The following UBE2G1 variants were observed in gnomAD, a reference collection of about 807,000 sequenced individuals.
UBE2G1 encodes ubiquitin-conjugating enzyme E2 G1.
Under a neutral mutation model 22.7 loss-of-function variants are expected in UBE2G1, and 5 were observed. The observed-to-expected ratio is 0.22, with a 90% CI of 0.12 to 0.46. UBE2G1 has a LOEUF of 0.46. Ranked by LOEUF, UBE2G1 falls within the 20% of genes least tolerant of loss-of-function variation. The pLI, the probability that UBE2G1 is intolerant of heterozygous loss-of-function variation, is 0.99. For synonymous variants in UBE2G1, 74 were observed against 67.5 expected, an observed-to-expected ratio of 1.10 and a Z score of -0.47; for missense variants, 88 against 203.9, an observed-to-expected ratio of 0.43 and a Z score of 3.46.
At chr17:4,362,855 G>A (rs944003455) in intron 1 of UBE2G1, among the ~76,000 whole-genome samples, 14 of 152,076 alleles carry the variant, frequency 9.2e-5, no homozygotes, top group Admixed American at 2.6e-4. Context: ...GGTGGTGGTG[G>A]CTCACACTTG....
In UBE2G1 at chr17:4,366,534, A is replaced by T; in HGVS notation, c.-218T>A. 2.3e-6 allele frequency: 1 copy of T among 428,198 alleles called. No individual in the cohort carries two copies. Among genetic ancestry groups the T allele is most frequent in the Non-Finnish European group, 4.1e-6 (1 of 245,936 alleles). 26.5% of individuals were successfully genotyped at this position (428,198 alleles called of 1,614,324 possible). On this transcript the variant is annotated 5_prime_UTR_variant, in exon 1 of 6. Transcript: ENST00000396981. ...CACAGCGACTCACGCCCGGAAGGGG[A>T]GGGTGCCCGGGCTGCCGCGGCGCGC...
intron 1 of UBE2G1, among the ~76,000 whole-genome samples, chr17:4,355,419 T>C (rs1969894737): frequency 6.7e-6 from 1 of 149,312 alleles, no homozygotes; most frequent in Non-Finnish European, 1.5e-5. Flanking sequence ...GGCGGGTGTA[T>C]CACCTGAGGT....
intron 4 of UBE2G1, among the ~76,000 whole-genome samples, chr17:4,284,376 A>C (rs1235025640): frequency 6.6e-6 from 1 of 152,030 alleles, no homozygotes; most frequent in African/African-American, 2.4e-5. Context: ...AGGCAGGTGG[A>C]TCACCTGAGG....
intron 1 of UBE2G1, among the ~76,000 whole-genome samples, chr17:4,363,880 A>G (rs1969997552): frequency 7.6e-6 from 1 of 131,496 alleles, no homozygotes; most frequent in South Asian, 2.6e-4. Context: ...TGAACCCGGG[A>G]GGCGGAGCTT....
chr17:4,275,345 G>T (rs1368952148), intron 5 of UBE2G1, among the ~76,000 whole-genome samples: 1 of 152,114 alleles, frequency 6.6e-6, no homozygotes, highest in African/African-American at 2.4e-5. Context: ...CAAATAAATG[G>T]TGCTGACTTG....
At chr17:4,342,937 C>A (rs1969728183) in intron 1 of UBE2G1, among the ~76,000 whole-genome samples, 1 of 152,182 alleles carries the variant, frequency 6.6e-6, no homozygotes, top group East Asian at 1.9e-4. Flanking sequence ...TACTGTTCTT[C>A]TCTTGGCCTG....
intron 5 of UBE2G1, among the ~76,000 whole-genome samples, chr17:4,282,070 C>CTT (rs1968899318): frequency 6.6e-6 from 1 of 152,042 alleles, no homozygotes; most frequent in Admixed American, 6.6e-5. Context: ...AGAAGACCAA[C>CTT]TTTTTGTTTG....
At chr17:4,321,105 G>A (rs1348731133) in intron 1 of UBE2G1, among the ~76,000 whole-genome samples, 4 of 151,952 alleles carry the variant, frequency 2.6e-5, no homozygotes, top group East Asian at 1.9e-4. Context: ...AGCTATGATC[G>A]CACCATGGCA....
rs1450295237 is a variant in UBE2G1, at chr17:4,272,028, T to C, written c.*526A>G. 1 of 152,384 alleles carries C rather than the reference T, an allele frequency of 6.6e-6. No homozygotes were observed. Among genetic ancestry groups the C allele is most frequent in the Non-Finnish European group, 1.5e-5 (1 of 68,008 alleles). The allele number at this position is 152,384 out of a possible 1,614,324, so 9.4% of individuals were successfully genotyped here. A position where few individuals can be genotyped will look rare whatever the true frequency, so the allele number is the denominator to read the frequency against. On this transcript the variant is annotated 3_prime_UTR_variant, in exon 6 of 6. Coordinates refer to ENST00000396981, the MANE Select transcript of UBE2G1 (RefSeq NM_003342.5). ...TGTCAAAACAAAGAAGATACAAAAG[T>C]TTAGTAAGTGAAAAGAGTTTAATGA...
chr17:4,287,122 T>A (rs1369657628), intron 4 of UBE2G1, among the ~76,000 whole-genome samples: 1 of 113,408 alleles, frequency 8.8e-6, no homozygotes, highest in East Asian at 2.7e-4. Context: ...TTTTTTTTTT[T>A]AGATGGAGTC....
Position 4,305,112 on chromosome 17 carries a change from C to G in UBE2G1, c.149+1909G>C, listed in dbSNP as rs556626486. Among the ~76,000 whole-genome samples, 295 of 152,156 alleles carry G rather than the reference C, an allele frequency of 1.9e-3. 1 individual carries two copies. Among genetic ancestry groups the G allele is most frequent in the Admixed American group, 6.7e-3 (103 of 15,266 alleles). On this transcript the variant is annotated intron_variant, in intron 2 of 5. Coordinates refer to ENST00000396981, the MANE Select transcript of UBE2G1 (RefSeq NM_003342.5). ...GGATTACAGGCATATGCCACCTCACCTGGCTAAATTTTTTGTATTTTTAGT... is the reference window on the plus strand; with the variant it reads ...GGATTACAGGCATATGCCACCTCACGTGGCTAAATTTTTTGTATTTTTAGT...
intron 5 of UBE2G1, among the ~76,000 whole-genome samples, chr17:4,276,594 T>C (rs1165604198): frequency 2.6e-5 from 4 of 152,236 alleles, no homozygotes; most frequent in Non-Finnish European, 4.4e-5. Context: ...AAGAGGACAG[T>C]GCCTTTGCAA....
chr17:4,334,574 T>G (rs571986952), intron 1 of UBE2G1, among the ~76,000 whole-genome samples: 3 of 152,194 alleles, frequency 2.0e-5, no homozygotes, highest in Non-Finnish European at 4.4e-5. Context: ...AGGGAGTCTC[T>G]GTCGCCCAAG....
chr17:4,313,733 A>G (rs147584901), intron 1 of UBE2G1, among the ~76,000 whole-genome samples: 383 of 152,264 alleles, frequency 2.5e-3, no homozygotes, highest in African/African-American at 8.6e-3. Flanking sequence ...CGTCCGTAAT[A>G]TGTGCGTACT....
At chr17:4,323,818 C>T in intron 1 of UBE2G1, among the ~76,000 whole-genome samples, 1 of 152,162 alleles carries the variant, frequency 6.6e-6, no homozygotes, top group East Asian at 1.9e-4. Context: ...CCTGGGATTA[C>T]AGGTGTGAGC....
Position 4,305,915 on chromosome 17 carries a change from A to C in UBE2G1, c.149+1106T>G, listed in dbSNP as rs369680830. On this transcript the variant is annotated intron_variant, in intron 2 of 5. Coordinates refer to ENST00000396981, the MANE Select transcript of UBE2G1 (RefSeq NM_003342.5). ...CTGCAAACACTCAGAGCAGAAAAGA[A>C]GACTGTGGTCTTTGCATCTAGAAAT... Among the ~76,000 whole-genome samples, 91 of 152,396 alleles carry C rather than the reference A, an allele frequency of 6.0e-4. No individual in the cohort carries two copies. The Middle Eastern group carries it at 0.014, about 23-fold the overall frequency.
intron 2 of UBE2G1, among the ~76,000 whole-genome samples, chr17:4,304,289 T>A (rs1367809204): frequency 6.6e-6 from 1 of 152,080 alleles, no homozygotes; most frequent in East Asian, 1.9e-4. Flanking sequence ...AGCCACTGTA[T>A]CCACCCTAAA....
intron 1 of UBE2G1, among the ~76,000 whole-genome samples, chr17:4,333,247 G>A (rs541647844): frequency 1.3e-5 from 2 of 152,278 alleles, no homozygotes; most frequent in East Asian, 3.9e-4. Flanking sequence ...TACTCTAAAT[G>A]TGCAAGTCTA....
chr17:4,347,493 G>GACAT lies in UBE2G1; in HGVS notation c.46+18774_46+18777dup, dbSNP rs1323533941. ...TCTTTTTTTTTTTTTTTTTTTTTTG[G>GACAT]ACATAGAGTCTCGCTCTGTCACCCA... On this transcript the variant is annotated intron_variant, in intron 1 of 5. Transcript: ENST00000396981. 4.4e-3 allele frequency among the ~76,000 whole-genome samples: 195 copies of GACAT among 44,212 alleles called. No homozygotes were observed. The African/African-American group carries it at 0.052, about 12-fold the overall frequency. The allele number at this position is 44,212 out of a possible 152,430, so 29.0% of individuals were successfully genotyped here. A position where few individuals can be genotyped will look rare whatever the true frequency, so the allele number is the denominator to read the frequency against.
Sources: gnomAD v4.1 joint callset for allele counts (sites outside exome capture counted in the v4.1 genomes callset) on GRCh38, gnomAD v4.1.1 for gene constraint, MANE v1.5 for transcripts, NCBI Gene and HGNC (gene_info 2026-07-23, HGNC 2026-07-21) for gene names.